PDE1A: variants seen among roughly 807,000 people sequenced by gnomAD.
PDE1A encodes phosphodiesterase 1A.
In PDE1A, 35 loss-of-function variants were observed where a neutral mutation model predicts 61.7. That is an observed-to-expected ratio of 0.57 (90% CI 0.43 to 0.75). The LOEUF is 0.75. Ranked by LOEUF, PDE1A falls within the 30% of genes least tolerant of loss-of-function variation. The probability of loss-of-function intolerance (pLI) is 0.00; values close to 1 mark genes in which losing one functional copy is unlikely to be tolerated. For missense variants in PDE1A, 597 were observed against 630.6 expected, an observed-to-expected ratio of 0.95 and a Z score of 0.57; for synonymous variants, 232 against 213.2, an observed-to-expected ratio of 1.09 and a Z score of -0.77.
At chr2:182,709,665 A>AAAATG in the PDE1A span, among the ~76,000 whole-genome samples, 1 of 152,234 alleles carries the variant, frequency 6.6e-6, no homozygotes, top group Non-Finnish European at 1.5e-5. Flanking sequence ...TGAAACTGAA[A>AAAATG]AAATGAAATG....
chr2:182,198,218 C>A (rs760272832), intron 10 of PDE1A, among the ~76,000 whole-genome samples: 8 of 151,922 alleles, frequency 5.3e-5, no homozygotes, highest in Non-Finnish European at 1.2e-4. Flanking sequence ...TACAGAAACA[C>A]AATTGATTCT....
chr2:182,523,676 T>C (rs1468972455), upstream of PDE1A, among the ~76,000 whole-genome samples: 3 of 152,220 alleles, frequency 2.0e-5, no homozygotes, highest in African/African-American at 7.2e-5. Context: ...TTTCAGACAA[T>C]GTTCTCAGTA....
the PDE1A span, among the ~76,000 whole-genome samples, chr2:182,575,880 T>G: frequency 6.8e-6 from 1 of 146,718 alleles, no homozygotes; most frequent in Non-Finnish European, 1.5e-5. Context: ...AAGTTAATAC[T>G]TTATATATAT....
intron 13 of PDE1A, among the ~76,000 whole-genome samples, chr2:182,155,680 G>A (rs556139719): frequency 1.6e-4 from 25 of 152,154 alleles, no homozygotes; most frequent in African/African-American, 4.1e-4. Context: ...ACCTGAGGCC[G>A]GGAGTTTGAG....
rs565627722 is a variant in PDE1A at position 182,210,023 on chromosome 2, GTTTA to G, written c.777-3962_777-3959del. 4.0e-3 allele frequency among the ~76,000 whole-genome samples: 609 copies of G among 151,866 alleles called. 1 individual carries two copies. Among genetic ancestry groups the G allele is most frequent in the African/African-American group, 0.014 (570 of 41,148 alleles). The stretch of plus-strand genomic sequence containing the variant: ...AGTTTTCTTGTCTGCATATACCACA[GTTTA>G]TTTATTCAGTCACCTACTGAAGGAC... On this transcript the variant is annotated intron_variant, in intron 7 of 13. Coordinates refer to ENST00000351439, the Ensembl canonical transcript of PDE1A.
intron 2 of PDE1A, among the ~76,000 whole-genome samples, chr2:182,453,050 T>C (rs1685633881): frequency 6.6e-6 from 1 of 152,172 alleles, no homozygotes; most frequent in African/African-American, 2.4e-5. Context: ...ATAGATACTT[T>C]ATTTCATTCA....
intron 1 of PDE1A, among the ~76,000 whole-genome samples, chr2:182,271,493 A>T (rs993070237): frequency 2.6e-5 from 4 of 152,142 alleles, no homozygotes; most frequent in Non-Finnish European, 5.9e-5. Context: ...TTCAAGAGGT[A>T]TTAACTTTTT....
At chr2:182,626,739 A>G in the PDE1A span, among the ~76,000 whole-genome samples, 407 of 3,638 alleles carry the variant, frequency 0.11, 66 homozygotes, top group Admixed American at 0.15. Flanking sequence ...ATATATATAC[A>G]TATATATACA....
At chr2:182,503,649 T>C (rs1421561465) in intron 2 of PDE1A, among the ~76,000 whole-genome samples, 1 of 152,052 alleles carries the variant, frequency 6.6e-6, no homozygotes, top group Non-Finnish European at 1.5e-5. Context: ...TTCACTTCAT[T>C]AAGGTCTTTC....
the PDE1A span, among the ~76,000 whole-genome samples, chr2:182,630,575 T>C: frequency 1.3e-5 from 2 of 152,264 alleles, no homozygotes; most frequent in East Asian, 3.9e-4. Flanking sequence ...AAAACTTACC[T>C]GATTTCAGCC....
At chr2:182,431,053 A>T (rs1288911597), upstream of PDE1A, among the ~76,000 whole-genome samples, 3 of 140,098 alleles carry the variant, frequency 2.1e-5, no homozygotes, top group Admixed American at 2.2e-4. Context: ...ACATGTATAC[A>T]TATGTAACTA....
chr2:182,555,965 C>CAAAAAAAAAAAAAAAAAAAAAA, the PDE1A span, among the ~76,000 whole-genome samples: 12 of 48,438 alleles, frequency 2.5e-4, no homozygotes, highest in Admixed American at 2.8e-4. Context: ...AACTCCATCT[C>CAAAAAAAAAAAAAAAAAAAAAA]AAAAAAAAAA....
At chr2:182,188,163 A>G (rs1179811125) in intron 11 of PDE1A, among the ~76,000 whole-genome samples, 1 of 152,170 alleles carries the variant, frequency 6.6e-6, no homozygotes, top group African/African-American at 2.4e-5. Context: ...TTAGCTTGCC[A>G]CATCAGGTCC....
downstream of PDE1A, among the ~76,000 whole-genome samples, chr2:182,145,962 T>C (rs1367210735): frequency 2.6e-5 from 4 of 152,192 alleles, no homozygotes; most frequent in Non-Finnish European, 5.9e-5. Context: ...ATAACATCTC[T>C]AAGGTTTGGA....
At chr2:182,444,149 C>T (rs542047209) in intron 2 of PDE1A, among the ~76,000 whole-genome samples, 14 of 152,252 alleles carry the variant, frequency 9.2e-5, no homozygotes, top group East Asian at 3.9e-4. Flanking sequence ...CAATATTGGA[C>T]GACTTTCAGT....
chr2:182,174,277 A>G (rs1692520098), intron 13 of PDE1A, among the ~76,000 whole-genome samples: 1 of 152,128 alleles, frequency 6.6e-6, no homozygotes, highest in South Asian at 2.1e-4. Context: ...ATGGAGCCTG[A>G]AGCCATTCAG....
chr2:182,204,694 T>C (rs554226766), intron 8 of PDE1A, among the ~76,000 whole-genome samples: 3 of 152,256 alleles, frequency 2.0e-5, no homozygotes, highest in Non-Finnish European at 4.4e-5. Context: ...TTTTATATTA[T>C]TGGTAAGGCT....
At chr2:182,391,987 C>G (rs961683553) in intron 1 of PDE1A, among the ~76,000 whole-genome samples, 1 of 152,140 alleles carries the variant, frequency 6.6e-6, no homozygotes, top group Non-Finnish European at 1.5e-5. Flanking sequence ...GCCAGAACCC[C>G]TTTAATGAAG....
chr2:182,646,641 G>A, the PDE1A span, among the ~76,000 whole-genome samples: 42 of 151,354 alleles, frequency 2.8e-4, no homozygotes, highest in Non-Finnish European at 3.8e-4. Context: ...CCGAGATCGC[G>A]CCACTGCACT....
Sources: allele counts gnomAD v4.1 joint callset (sites outside exome capture counted in the v4.1 genomes callset), GRCh38; gene constraint gnomAD v4.1.1; transcripts MANE v1.5; gene names NCBI Gene and HGNC (gene_info 2026-07-23, HGNC 2026-07-21).